MYO9A: variants seen among roughly 807,000 people sequenced by gnomAD.
MYO9A encodes myosin IXA, also known as unconventional myosin-IXa.
In MYO9A, 103 loss-of-function variants were observed where a neutral mutation model predicts 293.3. That is an observed-to-expected ratio of 0.35 (90% CI 0.30 to 0.41). MYO9A has a LOEUF of 0.41. Among genes scored for constraint, MYO9A ranks in the 10% least tolerant of loss-of-function variants. MYO9A has a pLI of 1.00. For synonymous variants in MYO9A, 1,001 were observed against 1,035.7 expected (o/e 0.97, Z 0.64); for missense variants, 2,685 against 3,033.0 (o/e 0.89, Z 2.69).
chr15:71,904,950 T>C lies in MYO9A; in HGVS notation c.2742A>G (p.Lys914=). ...CCTTTTCAGCATTAGAGCGAATGCATTTTACAAAATATGGTTCTGCTTGAC... is the reference window on the plus strand; with the variant it reads ...CCTTTTCAGCATTAGAGCGAATGCACTTTACAAAATATGGTTCTGCTTGAC... ...TLGQAEPYFV[K]CIRSNAEKLP... Residue 914 remains lysine, a synonymous_variant, in exon 20 of 42, where the codon AAA becomes AAG. Transcript: ENST00000356056. 6.2e-7 allele frequency: 1 copy of C among 1,605,546 alleles called. No individual in the cohort carries two copies. Among genetic ancestry groups the C allele is most frequent in the Non-Finnish European group, 8.5e-7 (1 of 1,174,350 alleles).
chr15:71,889,563 C>T (rs1208120471), intron 26 of MYO9A: 1 of 150,812 alleles, frequency 6.6e-6, no homozygotes, highest in Non-Finnish European at 1.5e-5. Flanking sequence ...CCCAGTTATC[C>T]TCCTGCCTCA....
chr15:72,109,225 C>T (rs2080687794), intron 1 of MYO9A, among the ~76,000 whole-genome samples: 2 of 151,660 alleles, frequency 1.3e-5, no homozygotes, highest in Admixed American at 1.3e-4. Flanking sequence ...GCCACCTCTA[C>T]TAAAAATATA....
intron 12 of MYO9A, among the ~76,000 whole-genome samples, chr15:71,968,465 A>G (rs1213311042): frequency 1.3e-5 from 2 of 152,186 alleles, no homozygotes; most frequent in Non-Finnish European, 2.9e-5. Flanking sequence ...AATCCAAATC[A>G]TATACTCTTT....
chr15:72,052,531 CAGA>C (rs914226476), intron 1 of MYO9A, among the ~76,000 whole-genome samples: 1 of 152,186 alleles, frequency 6.6e-6, no homozygotes, highest in Non-Finnish European at 1.5e-5. Flanking sequence ...TTGTAGGCAA[CAGA>C]AGGAGAGAAG....
intron 1 of MYO9A, among the ~76,000 whole-genome samples, chr15:72,097,478 A>C (rs1200993786): frequency 6.6e-6 from 1 of 152,226 alleles, no homozygotes; most frequent in Admixed American, 6.5e-5. Flanking sequence ...TATAAACATA[A>C]GTCTTATACG....
chr15:72,067,128 C>A (rs2079045674), intron 1 of MYO9A, among the ~76,000 whole-genome samples: 1 of 147,216 alleles, frequency 6.8e-6, no homozygotes, highest in African/African-American at 2.5e-5. Context: ...AATCTATTAA[C>A]TATATTAATT....
chr15:71,864,658 AC>A (rs1297229479), intron 32 of MYO9A, among the ~76,000 whole-genome samples: 1 of 152,222 alleles, frequency 6.6e-6, no homozygotes, highest in Non-Finnish European at 1.5e-5. Context: ...ATTAAAGAAG[AC>A]TGAACTATGG....
chr15:71,905,933 G>A (rs1041467693), intron 19 of MYO9A, among the ~76,000 whole-genome samples: 2 of 151,310 alleles, frequency 1.3e-5, no homozygotes, highest in African/African-American at 4.9e-5. Flanking sequence ...ATAGTTTATC[G>A]AGGTAGAAAT....
rs150795791 is a variant in MYO9A, at chr15:72,046,517, T to C, written c.47A>G (p.His16Arg). ...AGCCCCAGGATATATCCGTAATGTATGTTCATTATCTTCAAAGCGTCGTCT... is the reference window on the plus strand; with the variant it reads ...AGCCCCAGGATATATCCGTAATGTACGTTCATTATCTTCAAAGCGTCGTCT... ...GGRRRFEDNE[H>R]TLRIYPGAIS... Residue 16 changes from histidine to arginine, a missense_variant, in exon 2 of 42, where the codon CAT becomes CGT. Physicochemically the swap from His to Arg is conservative, Grantham distance 29. Coordinates refer to ENST00000356056, the MANE Select transcript of MYO9A (RefSeq NM_006901.4). 12 of 1,611,710 alleles carry C rather than the reference T, an allele frequency of 7.4e-6. No individual in the cohort carries two copies. Among genetic ancestry groups the C allele is most frequent in the Non-Finnish European group, 1.0e-5 (12 of 1,178,962 alleles).
intron 32 of MYO9A, among the ~76,000 whole-genome samples, chr15:71,874,430 G>T (rs969728815): frequency 6.6e-6 from 1 of 152,072 alleles, no homozygotes; most frequent in Non-Finnish European, 1.5e-5. Flanking sequence ...AAGGAACCAG[G>T]GGGAGAGTAG....
At chr15:72,013,692 G>C (rs753292292) in intron 6 of MYO9A, among the ~76,000 whole-genome samples, 6 of 152,232 alleles carry the variant, frequency 3.9e-5, no homozygotes, top group Non-Finnish European at 8.8e-5. Context: ...ACCTAGCATG[G>C]AGTAGGCAAT....
intron 14 of MYO9A, among the ~76,000 whole-genome samples, chr15:71,954,923 C>T (rs1340310888): frequency 6.6e-6 from 1 of 152,152 alleles, no homozygotes; most frequent in Non-Finnish European, 1.5e-5. Context: ...TTTTAAAAGC[C>T]ATATTTCACA....
chr15:72,009,545 C>CAAA (rs35965590), intron 7 of MYO9A, among the ~76,000 whole-genome samples: 3 of 136,178 alleles, frequency 2.2e-5, no homozygotes, highest in Non-Finnish European at 3.2e-5. Context: ...GGCAACATGG[C>CAAA]AAAAAAAAAA....
At chr15:71,878,503 T>C (rs2056763670) in intron 30 of MYO9A, among the ~76,000 whole-genome samples, 1 of 152,198 alleles carries the variant, frequency 6.6e-6, no homozygotes, top group African/African-American at 2.4e-5. Flanking sequence ...TGTGACTTTT[T>C]AATTTTATGT....
intron 25 of MYO9A, among the ~76,000 whole-genome samples, chr15:71,896,421 T>C (rs2057328808): frequency 6.6e-6 from 1 of 152,292 alleles, no homozygotes; most frequent in South Asian, 2.1e-4. Context: ...TTGTTAAATT[T>C]GTTTTTACGT....
chr15:71,939,750 C>T (rs1029041456), intron 15 of MYO9A, among the ~76,000 whole-genome samples: 1 of 152,026 alleles, frequency 6.6e-6, no homozygotes, highest in African/African-American at 2.4e-5. Context: ...ATGTAAGTTC[C>T]GTAAGCATAA....
chr15:71,828,051 T>G (rs2140474167), intron 40 of MYO9A, 25 bp from the exon 41 acceptor site: 1 of 1,600,868 alleles, frequency 6.2e-7, no homozygotes, highest in East Asian at 2.2e-5. Flanking sequence ...CAAGAAACCA[T>G]TAGCATTTGA....
At chr15:71,951,602 T>C (rs974086074) in intron 15 of MYO9A, 175 bp downstream of exon 15, 19 of 601,134 alleles carry the variant, frequency 3.2e-5, no homozygotes, top group Non-Finnish European at 5.1e-5. Flanking sequence ...AAAAAGTATA[T>C]CAGTATTTTC....
intron 1 of MYO9A, among the ~76,000 whole-genome samples, chr15:72,080,377 G>A (rs1485293764): frequency 6.8e-6 from 1 of 147,740 alleles, no homozygotes; most frequent in Non-Finnish European, 1.5e-5. Flanking sequence ...ATGGCCATGA[G>A]AAGTTTCTCT....
Sources: allele counts gnomAD v4.1 joint callset (sites outside exome capture counted in the v4.1 genomes callset), GRCh38; gene constraint gnomAD v4.1.1; transcripts MANE v1.5; gene names NCBI Gene and HGNC (gene_info 2026-07-23, HGNC 2026-07-21).